SUPT3H: variants seen among roughly 807,000 people sequenced by gnomAD.
The protein encoded by SUPT3H is SPT3 homolog, SAGA and STAGA complex component, also known as transcription initiation protein SPT3 homolog.
A neutral mutation model predicts 44.3 loss-of-function variants in SUPT3H; 44 were observed. That is an observed-to-expected ratio of 0.99 (90% CI 0.78 to 1.28). The LOEUF (loss-of-function observed/expected upper bound fraction) is 1.28. Ranked by LOEUF, SUPT3H falls within the 50% of genes most tolerant of loss-of-function variation. SUPT3H has a pLI of 0.00. For missense variants in SUPT3H, 380 were observed against 387.1 expected (o/e 0.98, Z 0.15); for synonymous variants, 124 against 125.6 (o/e 0.99, Z 0.09).
At chr6:45,158,203 GAT>G (rs1491225451) in intron 2 of SUPT3H, among the ~76,000 whole-genome samples, 13 of 40,918 alleles carry the variant, frequency 3.2e-4, no homozygotes, top group South Asian at 7.2e-4. Flanking sequence ...AAACCATAGA[GAT>G]AGATAGATAG....
chr6:45,209,372 T>C (rs1562695425), intron 2 of SUPT3H, among the ~76,000 whole-genome samples: 1 of 152,148 alleles, frequency 6.6e-6, no homozygotes, highest in Non-Finnish European at 1.5e-5. Flanking sequence ...CTAAGAACAT[T>C]TGTGATTCAT....
At chr6:44,903,161 G>T (rs1427237061) in intron 10 of SUPT3H, among the ~76,000 whole-genome samples, 2 of 152,016 alleles carry the variant, frequency 1.3e-5, no homozygotes, top group Non-Finnish European at 2.9e-5. Flanking sequence ...GCTAGCAAAA[G>T]GCAAGAAATA....
At chr6:45,368,104 A>G (rs937827277) in intron 1 of SUPT3H, among the ~76,000 whole-genome samples, 1 of 152,164 alleles carries the variant, frequency 6.6e-6, no homozygotes, top group African/African-American at 2.4e-5. Context: ...TTACTGTGGA[A>G]CTGAAAACCT....
chr6:45,225,386 C>T (rs934137120), intron 2 of SUPT3H, among the ~76,000 whole-genome samples: 2 of 151,854 alleles, frequency 1.3e-5, no homozygotes, highest in African/African-American at 4.8e-5. Context: ...AATACAGCTA[C>T]TTCATTTAAT....
At chr6:44,843,244 T>C (rs1026839837) in intron 10 of SUPT3H, among the ~76,000 whole-genome samples, 3 of 152,076 alleles carry the variant, frequency 2.0e-5, no homozygotes, top group African/African-American at 4.8e-5. Flanking sequence ...GCAAGAACAA[T>C]GGTGCTGTAC....
chr6:44,891,229 A>C (rs1763264974), intron 10 of SUPT3H, among the ~76,000 whole-genome samples: 1 of 152,306 alleles, frequency 6.6e-6, no homozygotes. Flanking sequence ...CAGAAAGTTA[A>C]ACATAAAATG....
chr6:45,068,273 T>G (rs1315572012), intron 3 of SUPT3H, among the ~76,000 whole-genome samples: 8 of 134,564 alleles, frequency 5.9e-5, no homozygotes, highest in African/African-American at 2.0e-4. Flanking sequence ...TGAGATCACA[T>G]GGACACAGGA....
In SUPT3H at chr6:44,847,397, C is replaced by T. The variant is rs151015321; in HGVS notation, c.913-17540G>A. Among the ~76,000 whole-genome samples the T allele has an allele frequency of 5.9e-3, 897 of 152,226 alleles. 9 individuals carry two copies. The highest frequency in any genetic ancestry group is 0.021 in the African/African-American group (854 of 41,530). The stretch of plus-strand genomic sequence containing the variant: ...AAAACAGCACTTACACTTGTGTTTA[C>T]GTATACCTATCGCCACTTGACTCAT... On this transcript the variant is annotated intron_variant, in intron 10 of 10. Coordinates refer to ENST00000371459, the MANE Select transcript of SUPT3H (RefSeq NM_003599.4).
At chr6:45,022,544 T>G (rs1785314341) in intron 3 of SUPT3H, among the ~76,000 whole-genome samples, 1 of 152,052 alleles carries the variant, frequency 6.6e-6, no homozygotes, top group South Asian at 2.1e-4. Context: ...CCTGTTTTTC[T>G]AATTTATCTC....
chr6:45,270,631 C>G (rs553550865), intron 2 of SUPT3H, among the ~76,000 whole-genome samples: 1 of 152,240 alleles, frequency 6.6e-6, no homozygotes, highest in South Asian at 2.1e-4. Flanking sequence ...TGTAAATTGC[C>G]CAGTCTGGAG....
intron 3 of SUPT3H, among the ~76,000 whole-genome samples, chr6:45,104,798 A>G (rs1319717225): frequency 6.6e-6 from 1 of 152,066 alleles, no homozygotes; most frequent in Non-Finnish European, 1.5e-5. Flanking sequence ...AAACAAATGT[A>G]GATATCCCCA....
chr6:45,351,752 A>T (rs1014655015), intron 2 of SUPT3H, among the ~76,000 whole-genome samples: 1 of 152,046 alleles, frequency 6.6e-6, no homozygotes, highest in Admixed American at 6.6e-5. Flanking sequence ...AGAACCTCCA[A>T]CATCTCAAAT....
chr6:44,892,170 T>C (rs542849418), intron 10 of SUPT3H, among the ~76,000 whole-genome samples: 3 of 152,112 alleles, frequency 2.0e-5, no homozygotes, highest in Non-Finnish European at 2.9e-5. Flanking sequence ...CCAAAATTCA[T>C]ATGTTGAACC....
chr6:45,073,268 T>C (rs1477020875), intron 3 of SUPT3H, among the ~76,000 whole-genome samples: 1 of 152,060 alleles, frequency 6.6e-6, no homozygotes, highest in Non-Finnish European at 1.5e-5. Context: ...CTTCTATTTA[T>C]ATCAGCTTGA....
intron 5 of SUPT3H, among the ~76,000 whole-genome samples, chr6:45,008,712 T>A (rs1295960623): frequency 6.6e-6 from 1 of 151,948 alleles, no homozygotes; most frequent in African/African-American, 2.4e-5. Context: ...TATATCAATG[T>A]GGTTTTGATT....
intron 10 of SUPT3H, among the ~76,000 whole-genome samples, chr6:44,924,204 T>A (rs1332259621): frequency 1.3e-5 from 2 of 152,252 alleles, no homozygotes; most frequent in African/African-American, 4.8e-5. Flanking sequence ...AAACAAATAA[T>A]TTTTACTATT....
chr6:44,850,975 T>A (rs1393672529), intron 10 of SUPT3H, among the ~76,000 whole-genome samples: 1 of 152,186 alleles, frequency 6.6e-6, no homozygotes, highest in Non-Finnish European at 1.5e-5. Flanking sequence ...ATAGACCAAG[T>A]TCTCTCTTTT....
At chr6:45,136,119 C>T (rs1804237041) in intron 2 of SUPT3H, among the ~76,000 whole-genome samples, 5 of 152,166 alleles carry the variant, frequency 3.3e-5, no homozygotes, top group Admixed American at 3.3e-4. Context: ...CATGATCAAA[C>T]ACAGATCCAT....
At chr6:45,365,381 A>C in intron 1 of SUPT3H, 80 bp from the exon 2 acceptor site, 1 of 929,542 alleles carries the variant, frequency 1.1e-6, no homozygotes, top group Non-Finnish European at 1.6e-6. Flanking sequence ...GCAAATATAA[A>C]TTACTTCAAA....
Sources: gnomAD v4.1 joint callset for allele counts (sites outside exome capture counted in the v4.1 genomes callset) on GRCh38, gnomAD v4.1.1 for gene constraint, MANE v1.5 for transcripts, NCBI Gene and HGNC (gene_info 2026-07-23, HGNC 2026-07-21) for gene names.